KRABD4: variants seen among roughly 807,000 people sequenced by gnomAD.
KRABD4 encodes KRAB domain containing 4, also known as KRAB domain-containing protein 4.
At chrX:46,471,229 C>T in the KRABD4 span, 2 of 1,121,134 alleles carry the variant, frequency 1.8e-6, no homozygotes, top group Non-Finnish European at 2.4e-6. Context: ...AAAGAATTGA[C>T]TGTTTTATCA....
chrX:46,467,786 TTTG>T, the KRABD4 span, among the ~76,000 whole-genome samples: 2 of 112,065 alleles, frequency 1.8e-5, no homozygotes, highest in Admixed American at 1.9e-4. Flanking sequence ...TTTGCCATTG[TTTG>T]TTATTAAACT....
the KRABD4 span, chrX:46,455,020 TCA>T: frequency 3.0e-6 from 1 of 332,405 alleles, no homozygotes; most frequent in Non-Finnish European, 5.3e-6. Context: ...TACTTCATTG[TCA>T]CTTGTGGAGT....
chrX:46,472,595 AGGT>A, the KRABD4 span: 19 of 514,182 alleles, frequency 3.7e-5, no homozygotes, highest in Non-Finnish European at 5.0e-5. Flanking sequence ...CACTCAGGGG[AGGT>A]GGTGGTGGTG....
At chrX:46,463,110 G>A in the KRABD4 span, 3 of 1,027,326 alleles carry the variant, frequency 2.9e-6, no homozygotes, top group South Asian at 2.1e-5. Context: ...TGTGCATGGG[G>A]CCATCACCTT....
At chrX:46,459,467 A>G in the KRABD4 span, among the ~76,000 whole-genome samples, 1 of 111,634 alleles carries the variant, frequency 9.0e-6, no homozygotes, top group Non-Finnish European at 1.9e-5. Flanking sequence ...TATCATTTTT[A>G]TGGTTATTTT....
chrX:46,463,429 A>T, the KRABD4 span: 6 of 629,977 alleles, frequency 9.5e-6, no homozygotes, highest in Admixed American at 1.6e-4. Flanking sequence ...GATGAGCAGA[A>T]CTGTTGTCAT....
At chrX:46,451,162 T>C in the KRABD4 span, among the ~76,000 whole-genome samples, 1 of 112,115 alleles carries the variant, frequency 8.9e-6, no homozygotes, top group Non-Finnish European at 1.9e-5. Context: ...GTGCATAATG[T>C]TTTGATGTGC....
At chrX:46,461,845 G>A in the KRABD4 span, among the ~76,000 whole-genome samples, 4 of 111,456 alleles carry the variant, frequency 3.6e-5, no homozygotes, top group Non-Finnish European at 5.7e-5. Context: ...CCCCAGGCAG[G>A]ATTGACTTCC....
the KRABD4 span, chrX:46,472,294 T>C: frequency 8.1e-6 from 1 of 123,173 alleles, no homozygotes; most frequent in Non-Finnish European, 1.7e-5. Flanking sequence ...GTGACATCTT[T>C]CTAGTTCCTA....
At chrX:46,454,302 A>G in the KRABD4 span, 193 of 127,114 alleles carry the variant, frequency 1.5e-3, no homozygotes, top group Non-Finnish European at 2.2e-3. Context: ...GGTAGTGGCC[A>G]GAACGCCTCC....
chrX:46,449,299 G>A, the KRABD4 span, among the ~76,000 whole-genome samples: 1 of 111,582 alleles, frequency 9.0e-6, no homozygotes, highest in East Asian at 2.8e-4. Context: ...TACCCACCCA[G>A]CCCCACACCT....
the KRABD4 span, among the ~76,000 whole-genome samples, chrX:46,470,556 T>C: frequency 2.9e-4 from 32 of 111,250 alleles, no homozygotes; most frequent in African/African-American, 1.0e-3. Flanking sequence ...TTCCACCAAA[T>C]GGATGTACCA....
At chrX:46,455,521 CT>C in the KRABD4 span, 1 of 435,730 alleles carries the variant, frequency 2.3e-6, no homozygotes. Context: ...GAAATGGCCT[CT>C]TCCCAGCAAT....
At chrX:46,457,854 C>T in the KRABD4 span, among the ~76,000 whole-genome samples, 2 of 109,853 alleles carry the variant, frequency 1.8e-5, no homozygotes, top group African/African-American at 3.3e-5. Flanking sequence ...GCGATTCTCC[C>T]GCTCAGCCTC....
the KRABD4 span, chrX:46,456,133 G>A: frequency 5.9e-5 from 16 of 270,768 alleles, no homozygotes; most frequent in South Asian, 6.8e-4. Context: ...AGTTCAGGGG[G>A]TAGTTTTTCA....
the KRABD4 span, among the ~76,000 whole-genome samples, chrX:46,461,379 G>T: frequency 1.8e-5 from 2 of 111,128 alleles, no homozygotes; most frequent in South Asian, 7.6e-4. Flanking sequence ...CCCCAGCACC[G>T]GAGCTATCAC....
chrX:46,471,239 A>G, the KRABD4 span: 50 of 1,080,705 alleles, frequency 4.6e-5, no homozygotes, highest in African/African-American at 2.8e-4. Context: ...CTGTTTTATC[A>G]TTTTGTAATG....
the KRABD4 span, chrX:46,456,638 C>T: frequency 3.5e-6 from 1 of 282,324 alleles, no homozygotes; most frequent in African/African-American, 2.9e-5. Flanking sequence ...AGGAAGATAA[C>T]ATCCACCAAG....
At chrX:46,460,521 C>T in the KRABD4 span, among the ~76,000 whole-genome samples, 4 of 108,898 alleles carry the variant, frequency 3.7e-5, no homozygotes, top group South Asian at 4.0e-4. Flanking sequence ...GGAAGGTCCA[C>T]GGACCTTTCA....
Sources: gnomAD v4.1 joint callset for allele counts (sites outside exome capture counted in the v4.1 genomes callset) on GRCh38, gnomAD v4.1.1 for gene constraint, MANE v1.5 for transcripts, NCBI Gene and HGNC (gene_info 2026-07-23, HGNC 2026-07-21) for gene names.